The following KIAA0319 variants were observed in gnomAD, a reference collection of about 807,000 sequenced individuals.
KIAA0319 encodes KIAA0319, also known as dyslexia-associated protein KIAA0319.
In KIAA0319, 83 loss-of-function variants were observed where a neutral mutation model predicts 108.4. That is an observed-to-expected ratio of 0.77 (90% confidence interval 0.64 to 0.92). The LOEUF is 0.92. Among genes scored for constraint, KIAA0319 ranks in the 40% least tolerant of loss-of-function variants. The pLI is 0.00. For missense variants in KIAA0319, 1,195 were observed against 1,322.4 expected (o/e 0.90, Z 1.49); for synonymous variants, 484 against 510.4 (o/e 0.95, Z 0.70).
intron 1 of KIAA0319, among the ~76,000 whole-genome samples, chr6:24,608,644 T>C (rs1380509912): frequency 2.0e-5 from 3 of 152,036 alleles, no homozygotes; most frequent in Admixed American, 2.0e-4. Flanking sequence ...AAAAATCGCA[T>C]GTCAGGCCAG....
chr6:24,560,325 T>C (rs377176530), intron 16 of KIAA0319, among the ~76,000 whole-genome samples: 97 of 152,324 alleles, frequency 6.4e-4, no homozygotes, highest in Middle Eastern at 3.4e-3. Flanking sequence ...CCACTAGCAA[T>C]GTATAAATGT....
chr6:24,633,612 T>A (rs1404774590), intron 1 of KIAA0319, among the ~76,000 whole-genome samples: 2 of 151,674 alleles, frequency 1.3e-5, no homozygotes, highest in Non-Finnish European at 2.9e-5. Flanking sequence ...AAAAAAAAAA[T>A]TAGAAGAATG....
chr6:24,597,017 A>T (rs1486377173), intron 2 of KIAA0319, among the ~76,000 whole-genome samples: 3 of 150,720 alleles, frequency 2.0e-5, no homozygotes, highest in Non-Finnish European at 4.4e-5. Flanking sequence ...CTACCTTTCC[A>T]CTCATCCATC....
intron 14 of KIAA0319, among the ~76,000 whole-genome samples, chr6:24,565,413 A>C (rs1040182450): frequency 1.3e-5 from 2 of 150,010 alleles, no homozygotes; most frequent in Non-Finnish European, 2.9e-5. Context: ...TGGGGGTAAA[A>C]TGCCTGCCAG....
chr6:24,601,179 T>G lies in KIAA0319; in HGVS notation c.-76A>C. The G allele has an allele frequency of 6.3e-7, 1 of 1,574,842 alleles. No individual in the cohort carries two copies. The highest frequency in any genetic ancestry group is 8.6e-7 in the Non-Finnish European group (1 of 1,159,870). On this transcript the variant is annotated 5_prime_UTR_variant, in exon 2 of 21. Coordinates refer to ENST00000378214, the MANE Select transcript of KIAA0319 (RefSeq NM_014809.4). ...AGTTTGGTGCAAGCTTCCTTTGATGTTTTTTAGGAGCCAGATTTGGCCTCA... is the reference window on the plus strand; with the variant it reads ...AGTTTGGTGCAAGCTTCCTTTGATGGTTTTTAGGAGCCAGATTTGGCCTCA...
At chr6:24,589,931 G>A (rs1768201308) in intron 3 of KIAA0319, among the ~76,000 whole-genome samples, 1 of 152,084 alleles carries the variant, frequency 6.6e-6, no homozygotes, top group Non-Finnish European at 1.5e-5. Flanking sequence ...TGTGCTGGAG[G>A]GAAAAGTCTC....
intron 13 of KIAA0319, 44 bp from the exon 14 acceptor site, chr6:24,566,792 A>G: frequency 6.5e-7 from 1 of 1,529,512 alleles, no homozygotes; most frequent in Non-Finnish European, 8.9e-7. Context: ...ATTGATTTAA[A>G]ACACCAGTGA....
chr6:24,546,106 AT>A lies in KIAA0319; in HGVS notation c.*1058del, dbSNP rs1349991422. On this transcript the variant is annotated 3_prime_UTR_variant, in exon 21 of 21. Transcript: ENST00000378214. ...AATTGTCTTTCATGTTTGAAATAAGATTTATTCGGTAGAAAAACTTAAATGT... is the reference window on the plus strand; with the variant it reads ...AATTGTCTTTCATGTTTGAAATAAGATTATTCGGTAGAAAAACTTAAATGT... 1.1e-4 allele frequency: 16 copies of A among 152,312 alleles called. No individual in the cohort carries two copies. Among genetic ancestry groups the A allele is most frequent in the African/African-American group, 3.4e-4 (14 of 41,568 alleles). The allele number at this position is 152,312 out of a possible 1,614,324, so 9.4% of individuals were successfully genotyped here.
rs565735432 is a variant in KIAA0319, at chr6:24,546,225, T to C, written c.*940A>G. The C allele has an allele frequency of 6.6e-6, 1 of 152,162 alleles. No individual in the cohort carries two copies. The highest frequency in any genetic ancestry group is 1.5e-5 in the Non-Finnish European group (1 of 68,036). 9.4% of individuals were successfully genotyped at this position (152,162 alleles called of 1,614,324 possible). A position where few individuals can be genotyped will look rare whatever the true frequency, so the allele number is the denominator to read the frequency against. Reference sequence around the variant, plus strand: ...AGTATCATAACCACGCCATCCAAGTTAAGACTGACTGTATTTCAGAGTTTT... The same window carrying C: ...AGTATCATAACCACGCCATCCAAGTCAAGACTGACTGTATTTCAGAGTTTT... On this transcript the variant is annotated 3_prime_UTR_variant, in exon 21 of 21. Coordinates refer to ENST00000378214, the MANE Select transcript of KIAA0319 (RefSeq NM_014809.4).
downstream of KIAA0319, among the ~76,000 whole-genome samples, chr6:24,542,657 G>A (rs1452799931): frequency 3.3e-5 from 5 of 152,266 alleles, no homozygotes; most frequent in South Asian, 6.2e-4. Context: ...CCACACTGCA[G>A]TGAGCCGTGA....
chr6:24,585,776 T>C (rs1364730460), intron 4 of KIAA0319, among the ~76,000 whole-genome samples: 2 of 152,152 alleles, frequency 1.3e-5, no homozygotes, highest in African/African-American at 4.8e-5. Context: ...ATTGATGTCT[T>C]ATGTCTCCCT....
chr6:24,639,217 C>T (rs1776603084), intron 1 of KIAA0319, among the ~76,000 whole-genome samples: 1 of 152,150 alleles, frequency 6.6e-6, no homozygotes, highest in African/African-American at 2.4e-5. Flanking sequence ...TTCCTATGTT[C>T]ACTGAAATCA....
intron 1 of KIAA0319, among the ~76,000 whole-genome samples, chr6:24,645,099 G>T (rs1036318431): frequency 9.2e-5 from 14 of 152,088 alleles, no homozygotes; most frequent in Non-Finnish European, 2.1e-4. Flanking sequence ...CTTGTGTGTG[G>T]GGGGGAACAT....
intron 8 of KIAA0319, among the ~76,000 whole-genome samples, chr6:24,579,548 C>T (rs2744562): frequency 0.074 from 10,670 of 144,402 alleles, 1,023 homozygotes; most frequent in African/African-American, 0.22. Context: ...TATATATATA[C>T]ACAAAGTGAT....
intron 3 of KIAA0319, among the ~76,000 whole-genome samples, chr6:24,595,455 G>T (rs1769334879): frequency 6.8e-6 from 1 of 147,858 alleles, no homozygotes; most frequent in South Asian, 2.2e-4. Context: ...GCTGAGGCAG[G>T]AGAATGGCGT....
intron 1 of KIAA0319, among the ~76,000 whole-genome samples, chr6:24,636,827 G>A (rs1776271532): frequency 6.9e-6 from 1 of 145,674 alleles, no homozygotes. Context: ...AGAGATTATT[G>A]TTCTGATCAT....
intron 6 of KIAA0319, among the ~76,000 whole-genome samples, chr6:24,581,457 G>C (rs950649629): frequency 6.6e-6 from 1 of 152,140 alleles, no homozygotes; most frequent in African/African-American, 2.4e-5. Context: ...ATAATCATCT[G>C]GTAGGAGACT....
At position 24,596,449 on chromosome 6, in the gene KIAA0319, G is replaced by A; in HGVS notation, c.225C>T (p.Gly75=). ...GGGGGCAGCTCACCAGGTAGCAGCG[G>A]CCCTCGAACCACCAGGCCAGGTCAC... The part of the protein sequence containing the change: ...SSCDLAWWFE[G]RCYLVSCPHK... The change falls in exon 3 of 21, where the codon GGC becomes GGT. Residue 75 remains glycine (G), a synonymous_variant. Coordinates refer to ENST00000378214, the MANE Select transcript of KIAA0319 (RefSeq NM_014809.4). 1 of 1,614,170 alleles carries A rather than the reference G, an allele frequency of 6.2e-7. No individual in the cohort carries two copies. Among genetic ancestry groups the A allele is most frequent in the Non-Finnish European group, 8.5e-7 (1 of 1,180,034 alleles).
Position 24,570,053 on chromosome 6 carries a change from G to A in KIAA0319, c.1859-18C>T, listed in dbSNP as rs773081074. The A allele has an allele frequency of 1.2e-6, 2 of 1,610,576 alleles. No homozygotes were observed. The highest frequency in any genetic ancestry group is 1.7e-6 in the Non-Finnish European group (2 of 1,178,030). ...ATTGTTTTCTGGAATTACAGAAACA[G>A]TGTGAAAAAGTATTATCTCTTTGCA... On this transcript the variant is annotated intron_variant, in intron 11 of 20. Transcript: ENST00000378214.
Sources: allele counts gnomAD v4.1 joint callset (sites outside exome capture counted in the v4.1 genomes callset), GRCh38; gene constraint gnomAD v4.1.1; transcripts MANE v1.5; gene names NCBI Gene and HGNC (gene_info 2026-07-23, HGNC 2026-07-21).